CFAP299: variants seen among roughly 807,000 people sequenced by gnomAD.
The protein encoded by CFAP299 is cilia- and flagella-associated protein 299.
A neutral mutation model predicts 27.0 loss-of-function variants in CFAP299; 21 were observed. That is an observed-to-expected ratio of 0.78 (90% CI 0.55 to 1.12). The LOEUF (loss-of-function observed/expected upper bound fraction) is 1.12, where lower values mean the gene tolerates loss of function less well. Among genes scored for constraint, CFAP299 ranks in the 50% most tolerant of loss-of-function variants. CFAP299 has a pLI of 0.00. For synonymous variants in CFAP299, 104 were observed against 98.1 expected (o/e 1.06, Z -0.36); for missense variants, 310 against 276.6 (o/e 1.12, Z -0.86).
intron 2 of CFAP299, among the ~76,000 whole-genome samples, chr4:80,540,213 T>A (rs1458753615): frequency 6.6e-6 from 1 of 152,226 alleles, no homozygotes; most frequent in Non-Finnish European, 1.5e-5. Context: ...CAGAGTAGAT[T>A]CTGTTGTTTA....
At chr4:80,389,697 T>C (rs558172659) in intron 2 of CFAP299, among the ~76,000 whole-genome samples, 1 of 152,336 alleles carries the variant, frequency 6.6e-6, no homozygotes, top group South Asian at 2.1e-4. Flanking sequence ...ACCGAGTTCA[T>C]TACTTTGTGC....
At chr4:80,749,721 C>G (rs1054987499) in intron 3 of CFAP299, among the ~76,000 whole-genome samples, 6 of 152,184 alleles carry the variant, frequency 3.9e-5, no homozygotes, top group Non-Finnish European at 7.3e-5. Flanking sequence ...AGATGAAGAC[C>G]GGAAGACTCA....
intron 3 of CFAP299, among the ~76,000 whole-genome samples, chr4:80,732,503 GA>G (rs1257273457): frequency 6.6e-6 from 1 of 152,096 alleles, no homozygotes; most frequent in African/African-American, 2.4e-5. Flanking sequence ...AAATTCTTTT[GA>G]ATAGTACATT....
chr4:80,757,916 G>A (rs1417118781), intron 3 of CFAP299, among the ~76,000 whole-genome samples: 1 of 152,108 alleles, frequency 6.6e-6, no homozygotes, highest in African/African-American at 2.4e-5. Flanking sequence ...CTTGCGGGAG[G>A]GGGAGCATGG....
chr4:80,459,339 A>T (rs755639779), intron 2 of CFAP299, among the ~76,000 whole-genome samples: 5 of 152,176 alleles, frequency 3.3e-5, no homozygotes, highest in Admixed American at 2.6e-4. Flanking sequence ...GCCTCTGCAC[A>T]TGCAGACAGC....
intron 3 of CFAP299, among the ~76,000 whole-genome samples, chr4:80,622,291 C>A (rs1360203983): frequency 6.6e-6 from 1 of 152,078 alleles, no homozygotes; most frequent in Admixed American, 6.6e-5. Context: ...AACATAAATG[C>A]AACAGTCTAG....
intron 3 of CFAP299, among the ~76,000 whole-genome samples, chr4:80,661,154 C>T (rs774886742): frequency 1.3e-5 from 2 of 151,852 alleles, no homozygotes; most frequent in Non-Finnish European, 1.5e-5. Flanking sequence ...GGCAAAATCC[C>T]GTCTCTACTG....
chr4:80,623,221 G>A (rs1038529), intron 3 of CFAP299, among the ~76,000 whole-genome samples: 12,029 of 152,046 alleles, frequency 0.079, 731 homozygotes, highest in East Asian at 0.26. Flanking sequence ...AAATGAGTTT[G>A]CAAATCAAGA....
chr4:80,940,386 C>T (rs1241771848), intron 4 of CFAP299, among the ~76,000 whole-genome samples: 1 of 152,212 alleles, frequency 6.6e-6, no homozygotes, highest in Non-Finnish European at 1.5e-5. Flanking sequence ...TCATTTTCCC[C>T]TATGGGAGAA....
At chr4:80,522,365 A>G (rs1228700392) in intron 2 of CFAP299, among the ~76,000 whole-genome samples, 1 of 151,900 alleles carries the variant, frequency 6.6e-6, no homozygotes, top group Non-Finnish European at 1.5e-5. Flanking sequence ...TTTTTATGCT[A>G]TTGAGTTGTA....
chr4:80,793,165 A>G (rs1727668705), intron 3 of CFAP299, among the ~76,000 whole-genome samples: 1 of 151,306 alleles, frequency 6.6e-6, no homozygotes, highest in Non-Finnish European at 1.5e-5. Flanking sequence ...CTTTATCACA[A>G]GGTCCCACAA....
At chr4:80,813,225 T>G (rs1729247376) in intron 3 of CFAP299, among the ~76,000 whole-genome samples, 1 of 151,992 alleles carries the variant, frequency 6.6e-6, no homozygotes, top group South Asian at 2.1e-4. Context: ...GAGAAAATAG[T>G]TTATATTATC....
At chr4:80,402,350 G>C (rs530778850) in intron 2 of CFAP299, among the ~76,000 whole-genome samples, 1 of 152,232 alleles carries the variant, frequency 6.6e-6, no homozygotes, top group African/African-American at 2.4e-5. Flanking sequence ...ACGTGTTGTG[G>C]GAAGAACCCA....
At chr4:80,799,452 TATATA>T (rs1362932516) in intron 3 of CFAP299, among the ~76,000 whole-genome samples, 3 of 77,260 alleles carry the variant, frequency 3.9e-5, no homozygotes, top group African/African-American at 1.0e-4. Context: ...TTATAAAATA[TATATA>T]ATATATTTTA....
intron 3 of CFAP299, among the ~76,000 whole-genome samples, chr4:80,591,264 C>T (rs1255591990): frequency 1.3e-5 from 2 of 149,570 alleles, no homozygotes; most frequent in African/African-American, 2.4e-5. Flanking sequence ...GCTGGGACTA[C>T]AGGCGCCCGC....
chr4:80,804,848 A>C (rs935044280), intron 3 of CFAP299, among the ~76,000 whole-genome samples: 1 of 152,060 alleles, frequency 6.6e-6, no homozygotes, highest in East Asian at 1.9e-4. Context: ...TTTTGACTGG[A>C]GAGTTTAATC....
intron 4 of CFAP299, among the ~76,000 whole-genome samples, chr4:80,893,185 GA>G (rs2110188570): frequency 6.6e-6 from 1 of 151,448 alleles, no homozygotes; most frequent in Admixed American, 6.6e-5. Context: ...CCAAAGATGT[GA>G]AAAAACTATA....
At chr4:80,865,293 T>C (rs1314444304) in intron 3 of CFAP299, among the ~76,000 whole-genome samples, 1 of 152,276 alleles carries the variant, frequency 6.6e-6, no homozygotes, top group Middle Eastern at 3.4e-3. Context: ...TGGAGCAAAA[T>C]ATGCATTTTG....
At chr4:80,823,388 G>GA (rs1217630109) in intron 3 of CFAP299, among the ~76,000 whole-genome samples, 2 of 152,046 alleles carry the variant, frequency 1.3e-5, no homozygotes, top group Admixed American at 6.6e-5. Flanking sequence ...TTGTTTTTAT[G>GA]AAAAAATCCA....
Sources: allele counts gnomAD v4.1 joint callset (sites outside exome capture counted in the v4.1 genomes callset), GRCh38; gene constraint gnomAD v4.1.1; transcripts MANE v1.5; gene names NCBI Gene and HGNC (gene_info 2026-07-23, HGNC 2026-07-21).